Variants in WDR70 observed in about 807,000 individuals in gnomAD.
The protein encoded by WDR70 is WD repeat-containing protein 70.
In WDR70, 53 loss-of-function variants were observed where a neutral mutation model predicts 88.6. The ratio of observed to expected loss-of-function variants is 0.60; its 90% confidence interval spans 0.48 to 0.75. The LOEUF is 0.75. Ranked by LOEUF, WDR70 falls within the 30% of genes least tolerant of loss-of-function variation. WDR70 has a pLI of 0.00. For missense variants in WDR70, 610 were observed against 823.2 expected, an observed-to-expected ratio of 0.74 and a Z score of 3.17; for synonymous variants, 280 against 270.0, an observed-to-expected ratio of 1.04 and a Z score of -0.36.
chr5:37,624,802 A>G (rs1744619369), intron 10 of WDR70, among the ~76,000 whole-genome samples: 1 of 152,060 alleles, frequency 6.6e-6, no homozygotes, highest in South Asian at 2.1e-4. Context: ...GACTGGGGAA[A>G]CTCAGGAGGG....
intron 10 of WDR70, among the ~76,000 whole-genome samples, chr5:37,694,278 T>A (rs1009397474): frequency 6.6e-5 from 10 of 152,156 alleles, no homozygotes; most frequent in African/African-American, 2.4e-4. Flanking sequence ...ACCATTGTGG[T>A]AGACAGTGTG....
At chr5:37,577,842 G>A (rs1381386542) in intron 9 of WDR70, among the ~76,000 whole-genome samples, 1 of 152,126 alleles carries the variant, frequency 6.6e-6, no homozygotes, top group African/African-American at 2.4e-5. Context: ...GCTGATAGTT[G>A]GAAATGTAGA....
At chr5:37,666,292 G>C (rs1380594477) in intron 10 of WDR70, among the ~76,000 whole-genome samples, 1 of 152,188 alleles carries the variant, frequency 6.6e-6, no homozygotes, top group Non-Finnish European at 1.5e-5. Flanking sequence ...CCAGACTTAG[G>C]AGTTAAAGAT....
At chr5:37,539,412 C>T (rs1741752074) in intron 9 of WDR70, among the ~76,000 whole-genome samples, 1 of 152,152 alleles carries the variant, frequency 6.6e-6, no homozygotes, top group South Asian at 2.1e-4. Context: ...GATGCACAGC[C>T]ACACAGAAAA....
chr5:37,563,470 G>A (rs1219578905), intron 9 of WDR70, among the ~76,000 whole-genome samples: 3 of 59,406 alleles, frequency 5.0e-5, no homozygotes, highest in African/African-American at 1.5e-4. Context: ...GGCTGGCCGG[G>A]CAGAGGGGCT....
At chr5:37,645,284 C>T (rs1745203011) in intron 10 of WDR70, among the ~76,000 whole-genome samples, 1 of 151,662 alleles carries the variant, frequency 6.6e-6, no homozygotes, top group Non-Finnish European at 1.5e-5. Context: ...GATTTCCATG[C>T]ATTTGTATCA....
chr5:37,506,214 T>G, intron 8 of WDR70: 1 of 965,148 alleles, frequency 1.0e-6, no homozygotes, highest in Non-Finnish European at 1.7e-6. Flanking sequence ...CAGTTCTGAC[T>G]TGGTTGGAGT....
chr5:37,391,676 T>C (rs1748823963), intron 3 of WDR70, among the ~76,000 whole-genome samples: 1 of 152,244 alleles, frequency 6.6e-6, no homozygotes, highest in South Asian at 2.1e-4. Context: ...AGATGGATAC[T>C]TTGGTTGCTT....
At chr5:37,641,117 CT>C (rs374338511) in intron 10 of WDR70, among the ~76,000 whole-genome samples, 18 of 152,156 alleles carry the variant, frequency 1.2e-4, no homozygotes, top group Admixed American at 6.5e-4. Flanking sequence ...TCACAGCATG[CT>C]TTTTTCCCCC....
intron 10 of WDR70, among the ~76,000 whole-genome samples, chr5:37,617,698 A>G (rs1335143210): frequency 6.6e-6 from 1 of 152,184 alleles, no homozygotes; most frequent in Non-Finnish European, 1.5e-5. Context: ...CAGGGACTTG[A>G]TAAGTATTTG....
chr5:37,717,950 G>A (rs1194458481), intron 13 of WDR70, among the ~76,000 whole-genome samples: 4 of 152,286 alleles, frequency 2.6e-5, no homozygotes, highest in East Asian at 3.9e-4. Flanking sequence ...ATTAATAACT[G>A]GTCTTAGGGT....
intron 10 of WDR70, among the ~76,000 whole-genome samples, chr5:37,654,306 A>C (rs1745490806): frequency 6.6e-6 from 1 of 152,160 alleles, no homozygotes. Flanking sequence ...GTGGTTTGAG[A>C]GACTGTTTGT....
At chr5:37,414,412 G>GCTCCCTTA (rs1749629009) in intron 5 of WDR70, among the ~76,000 whole-genome samples, 1 of 151,912 alleles carries the variant, frequency 6.6e-6, no homozygotes, top group Non-Finnish European at 1.5e-5. Flanking sequence ...ACTTCACATG[G>GCTCCCTTA]CTCCCTTATT....
At chr5:37,380,120 A>G (rs1179863286) in intron 2 of WDR70, among the ~76,000 whole-genome samples, 1 of 152,224 alleles carries the variant, frequency 6.6e-6, no homozygotes, top group African/African-American at 2.4e-5. Flanking sequence ...AACTTAGTAG[A>G]CTGATACATG....
chr5:37,474,110 G>C (rs1399945707), intron 7 of WDR70, among the ~76,000 whole-genome samples: 1 of 151,858 alleles, frequency 6.6e-6, no homozygotes, highest in East Asian at 1.9e-4. Context: ...TAGGTATCTT[G>C]CTTTATTTTC....
At chr5:37,460,911 C>T (rs1218581863) in intron 7 of WDR70, among the ~76,000 whole-genome samples, 1 of 151,640 alleles carries the variant, frequency 6.6e-6, no homozygotes, top group Non-Finnish European at 1.5e-5. Flanking sequence ...ATTAAGCTCA[C>T]CTTTTCCTCT....
At chr5:37,657,011 G>C (rs1430237593) in intron 10 of WDR70, among the ~76,000 whole-genome samples, 1 of 152,158 alleles carries the variant, frequency 6.6e-6, no homozygotes, top group Non-Finnish European at 1.5e-5. Flanking sequence ...GAACGGTTCT[G>C]TCTCGCTGGC....
chr5:37,478,436 T>C (rs537838926), intron 7 of WDR70, among the ~76,000 whole-genome samples: 1 of 152,206 alleles, frequency 6.6e-6, no homozygotes, highest in East Asian at 1.9e-4. Flanking sequence ...CAAAACTTCA[T>C]AGGACCACTT....
At chr5:37,639,077 C>G (rs1409075198) in intron 10 of WDR70, among the ~76,000 whole-genome samples, 1 of 152,136 alleles carries the variant, frequency 6.6e-6, no homozygotes, top group African/African-American at 2.4e-5. Context: ...AACGTAAAAA[C>G]AAACCCAGAG....
Sources: gnomAD v4.1 joint callset for allele counts (sites outside exome capture counted in the v4.1 genomes callset) on GRCh38, gnomAD v4.1.1 for gene constraint, MANE v1.5 for transcripts, NCBI Gene and HGNC (gene_info 2026-07-23, HGNC 2026-07-21) for gene names.